Variants in SGCZ observed in about 807,000 individuals in gnomAD.
SGCZ encodes the protein sarcoglycan zeta.
Under a neutral mutation model 41.3 loss-of-function variants are expected in SGCZ, and 40 were observed. That is an observed-to-expected ratio of 0.97 (90% CI 0.75 to 1.26). SGCZ has a LOEUF of 1.26. SGCZ is among the 50% of genes most tolerant of loss of function. SGCZ has a pLI of 0.00. For synonymous variants in SGCZ, 206 were observed against 137.5 expected (o/e 1.50, Z -3.49); for missense variants, 552 against 369.8 (o/e 1.49, Z -4.04).
chr8:14,955,702 T>A (rs1248558464), intron 1 of SGCZ, among the ~76,000 whole-genome samples: 1 of 152,230 alleles, frequency 6.6e-6, no homozygotes, highest in African/African-American at 2.4e-5. Flanking sequence ...TACTTTTCTA[T>A]TGGATTATCA....
chr8:14,696,455 G>A (rs1288699695), intron 1 of SGCZ, among the ~76,000 whole-genome samples: 1 of 152,034 alleles, frequency 6.6e-6, no homozygotes, highest in Non-Finnish European at 1.5e-5. Flanking sequence ...GTCAAAGCCT[G>A]TTCTTACACA....
intron 1 of SGCZ, among the ~76,000 whole-genome samples, chr8:14,979,146 G>A (rs1801582464): frequency 6.6e-6 from 1 of 151,962 alleles, no homozygotes; most frequent in Non-Finnish European, 1.5e-5. Flanking sequence ...AAAAACAATG[G>A]AAAATATTAA....
intron 1 of SGCZ, among the ~76,000 whole-genome samples, chr8:14,837,808 T>C (rs1303322227): frequency 1.3e-5 from 2 of 152,164 alleles, no homozygotes; most frequent in Non-Finnish European, 2.9e-5. Context: ...AGACACATAA[T>C]AGTCATAATA....
chr8:14,561,849 T>C lies in SGCZ; in HGVS notation c.40-6923A>G, dbSNP rs190284320. On this transcript the variant is annotated intron_variant, in intron 1 of 7. Transcript: ENST00000382080. ...TGTAAATAACATTTCTGGCAAGATG[T>C]TATAAGGTTCAATGAAAGATGCCTG... Among the ~76,000 whole-genome samples the C allele has an allele frequency of 4.5e-3, 679 of 152,278 alleles. 3 individuals carry two copies. The highest frequency in any genetic ancestry group is 6.2e-3 in the Non-Finnish European group (423 of 68,004).
chr8:14,602,138 A>G (rs1297696409), intron 1 of SGCZ, among the ~76,000 whole-genome samples: 1 of 152,062 alleles, frequency 6.6e-6, no homozygotes, highest in Non-Finnish European at 1.5e-5. Context: ...AAAATAAAAT[A>G]ATAAAATAAA....
At chr8:14,596,152 C>G (rs547069881) in intron 1 of SGCZ, among the ~76,000 whole-genome samples, 1 of 152,292 alleles carries the variant, frequency 6.6e-6, no homozygotes, top group South Asian at 2.1e-4. Context: ...ATATACTCTG[C>G]AGTATTTGTA....
At chr8:14,818,936 C>G (rs763320712) in intron 1 of SGCZ, among the ~76,000 whole-genome samples, 2 of 151,854 alleles carry the variant, frequency 1.3e-5, no homozygotes, top group African/African-American at 2.4e-5. Flanking sequence ...AATCTCATTA[C>G]AGGTATTCCA....
At chr8:14,139,318 G>T (rs1803295947) in intron 5 of SGCZ, among the ~76,000 whole-genome samples, 2 of 152,144 alleles carry the variant, frequency 1.3e-5, no homozygotes. Context: ...TCCAAAGCTA[G>T]CAGAAGGCAA....
intron 1 of SGCZ, among the ~76,000 whole-genome samples, chr8:14,846,225 A>G (rs946838281): frequency 1.4e-4 from 22 of 152,166 alleles, no homozygotes; most frequent in African/African-American, 5.3e-4. Context: ...CTAAATATCT[A>G]TGTTGGAAAG....
intron 1 of SGCZ, among the ~76,000 whole-genome samples, chr8:14,706,892 A>G (rs1026742104): frequency 6.6e-6 from 1 of 151,954 alleles, no homozygotes; most frequent in Non-Finnish European, 1.5e-5. Flanking sequence ...CGGTTTTATT[A>G]TAAATGTAAA....
chr8:14,832,427 G>C (rs187557563), intron 1 of SGCZ, among the ~76,000 whole-genome samples: 3 of 152,280 alleles, frequency 2.0e-5, no homozygotes, highest in Non-Finnish European at 2.9e-5. Flanking sequence ...GCAAGACCAA[G>C]AGGTTGGTTA....
At chr8:14,554,544 T>G (rs2117190378) in intron 2 of SGCZ, among the ~76,000 whole-genome samples, 188 bp downstream of exon 2, 1 of 152,158 alleles carries the variant, frequency 6.6e-6, no homozygotes, top group South Asian at 2.1e-4. Flanking sequence ...CAGGTAGTAA[T>G]AGCATACGTG....
At chr8:15,184,524 G>A (rs747495052) in intron 1 of SGCZ, among the ~76,000 whole-genome samples, 1 of 130,068 alleles carries the variant, frequency 7.7e-6, no homozygotes, top group Non-Finnish European at 1.8e-5. Context: ...TTTTTCTTTT[G>A]TCCTACACCA....
chr8:14,582,458 G>T (rs1016013188), intron 1 of SGCZ, among the ~76,000 whole-genome samples: 1 of 151,716 alleles, frequency 6.6e-6, no homozygotes. Flanking sequence ...ATTTTGGGGG[G>T]AGCTTATAAA....
At chr8:15,094,096 G>C (rs988538230) in intron 1 of SGCZ, among the ~76,000 whole-genome samples, 1 of 152,054 alleles carries the variant, frequency 6.6e-6, no homozygotes, top group African/African-American at 2.4e-5. Flanking sequence ...CAGAGGGATG[G>C]AGAGTGATAC....
At chr8:15,060,669 T>C (rs1804892114) in intron 1 of SGCZ, among the ~76,000 whole-genome samples, 1 of 53,320 alleles carries the variant, frequency 1.9e-5, no homozygotes, top group African/African-American at 6.1e-5. Context: ...ACTTAAAGTA[T>C]TAAAAAAAAA....
At chr8:14,777,508 G>C (rs141671244) in intron 1 of SGCZ, among the ~76,000 whole-genome samples, 154 of 152,190 alleles carry the variant, frequency 1.0e-3, no homozygotes, top group African/African-American at 3.6e-3. Flanking sequence ...GCCTTTTCTA[G>C]TTGAAGATCC....
chr8:14,274,599 TCTC>T (rs1800168480), intron 3 of SGCZ, among the ~76,000 whole-genome samples: 1 of 152,122 alleles, frequency 6.6e-6, no homozygotes, highest in Non-Finnish European at 1.5e-5. Flanking sequence ...TATATAACAA[TCTC>T]CTTCAAAACT....
At chr8:14,403,938 G>A (rs926708609) in intron 2 of SGCZ, among the ~76,000 whole-genome samples, 1 of 152,202 alleles carries the variant, frequency 6.6e-6, no homozygotes, top group Non-Finnish European at 1.5e-5. Context: ...TATTTTTATG[G>A]TAATTTGAAG....
Sources: allele counts gnomAD v4.1 joint callset (sites outside exome capture counted in the v4.1 genomes callset), GRCh38; gene constraint gnomAD v4.1.1; transcripts MANE v1.5; gene names NCBI Gene and HGNC (gene_info 2026-07-23, HGNC 2026-07-21).